The following RTTN variants were observed in gnomAD, a reference collection of about 807,000 sequenced individuals.
RTTN encodes the protein rotatin.
RTTN carries 182 observed loss-of-function variants against 269.2 expected under a neutral mutation model. That is an observed-to-expected ratio of 0.68 (90% CI 0.60 to 0.76). The LOEUF is 0.76. Among genes scored for constraint, RTTN ranks in the 30% least tolerant of loss-of-function variants. RTTN has a pLI of 0.00. For missense variants in RTTN, 2,545 were observed against 2,608.6 expected (o/e 0.98, Z 0.53); for synonymous variants, 1,006 against 963.5 (o/e 1.04, Z -0.82).
intron 14 of RTTN, among the ~76,000 whole-genome samples, chr18:70,164,935 G>C (rs1030669601): frequency 6.6e-6 from 1 of 152,068 alleles, no homozygotes; most frequent in Non-Finnish European, 1.5e-5. Context: ...AAAATTAAAA[G>C]AAATCATAAT....
intron 32 of RTTN, among the ~76,000 whole-genome samples, chr18:70,082,248 A>C (rs1568347649): frequency 6.6e-6 from 1 of 152,162 alleles, no homozygotes; most frequent in African/African-American, 2.4e-5. Context: ...GAAAGAACTG[A>C]AATATTATTA....
At chr18:70,149,115 T>G in intron 16 of RTTN, 78 bp from the exon 17 acceptor site, 3 of 1,283,330 alleles carry the variant, frequency 2.3e-6, no homozygotes, top group Non-Finnish European at 3.3e-6. Context: ...AGAATTGTAT[T>G]GTCCTATCAG....
At chr18:70,097,718 A>C (rs1207523567) in intron 28 of RTTN, among the ~76,000 whole-genome samples, 1 of 152,214 alleles carries the variant, frequency 6.6e-6, no homozygotes, top group Non-Finnish European at 1.5e-5. Context: ...AAATTTTATT[A>C]CCTCAAAGAC....
chr18:70,166,065 C>G lies in RTTN; in HGVS notation c.1926G>C (p.Thr642=). 6.2e-7 allele frequency: 1 copy of G among 1,613,416 alleles called. No individual in the cohort carries two copies. The highest frequency in any genetic ancestry group is 1.3e-5 in the African/African-American group (1 of 75,026). The change falls in exon 14 of 49, where the codon ACG becomes ACC. Residue 642 remains threonine (T), a synonymous_variant. Coordinates refer to ENST00000640769, the MANE Select transcript of RTTN (RefSeq NM_173630.4). The part of the protein sequence containing the change: ...AETYHCCLEI[T]KECLGVHNVT... ...ATACGAAAAAACAAAACCTCACCTTCGTGATTTCCAGACAGCAGTGGTAAG... is the reference window on the plus strand; with the variant it reads ...ATACGAAAAAACAAAACCTCACCTTGGTGATTTCCAGACAGCAGTGGTAAG...
At chr18:70,048,895 C>T (rs1008012190) in intron 39 of RTTN, among the ~76,000 whole-genome samples, 5 of 150,788 alleles carry the variant, frequency 3.3e-5, no homozygotes, top group African/African-American at 1.2e-4. Context: ...AAAACCATGG[C>T]AAAAAAAATG....
intron 38 of RTTN, 75 bp from the exon 39 acceptor site, chr18:70,051,623 C>A (rs1282738010): frequency 2.7e-6 from 3 of 1,113,622 alleles, no homozygotes; most frequent in Admixed American, 5.3e-5. Context: ...TAAAACTTAC[C>A]ACAGACGCTT....
chr18:70,123,382 T>G (rs376483910), intron 25 of RTTN, among the ~76,000 whole-genome samples: 1 of 152,076 alleles, frequency 6.6e-6, no homozygotes, highest in Non-Finnish European at 1.5e-5. Context: ...TTTTGAAACA[T>G]ATATTATTAT....
intron 27 of RTTN, among the ~76,000 whole-genome samples, chr18:70,113,702 T>C (rs1443370027): frequency 6.6e-6 from 1 of 152,176 alleles, no homozygotes; most frequent in African/African-American, 2.4e-5. Context: ...AAATAGAATA[T>C]TATTCAGTCA....
In RTTN at chr18:70,097,046, G is replaced by A. The variant is rs185985444; in HGVS notation, c.3904-4242C>T. ...ATCTGTGTAATGATTTTTAATTCTA[G>A]CTTATAAATGACAAGCCAAGACCTT... On this transcript the variant is annotated intron_variant, in intron 28 of 48. Transcript: ENST00000640769. 1.6e-3 allele frequency among the ~76,000 whole-genome samples: 249 copies of A among 152,236 alleles called. 1 individual carries two copies. Among genetic ancestry groups the A allele is most frequent in the Non-Finnish European group, 4.6e-4 (31 of 68,022 alleles).
chr18:70,067,670 A>G (rs2058179834), intron 34 of RTTN, among the ~76,000 whole-genome samples: 1 of 152,236 alleles, frequency 6.6e-6, no homozygotes, highest in Non-Finnish European at 1.5e-5. Context: ...TAAGGGGATA[A>G]TGATGCTGAA....
chr18:70,064,057 G>T (rs2058065441), intron 35 of RTTN, among the ~76,000 whole-genome samples: 2 of 149,952 alleles, frequency 1.3e-5, no homozygotes, highest in South Asian at 4.2e-4. Context: ...ACTATTTGTG[G>T]ACGGGCATGG....
chr18:70,187,587 C>G (rs1026820887), intron 10 of RTTN, among the ~76,000 whole-genome samples: 8 of 152,084 alleles, frequency 5.3e-5, no homozygotes, highest in Non-Finnish European at 1.2e-4. Flanking sequence ...GACTGTATAT[C>G]CTTAGTGAGA....
chr18:70,204,250 A>T lies in RTTN; in HGVS notation c.233T>A (p.Val78Asp). ...TGCACCAACGTCAACCAAATGTTGG[A>T]CTGCTGGGGGATACTAAAATAAGAA... ...LSRLVKYPPAVQHLVDVGAVE... is the reference protein window; with the variant it reads ...LSRLVKYPPADQHLVDVGAVE... Residue 78 changes from valine (V) to aspartate (D), a missense_variant, in exon 3 of 49, where the codon GTC becomes GAC. By Grantham distance (152) the Val-to-Asp change is radical (BLOSUM62 -3). Coordinates refer to ENST00000640769, the MANE Select transcript of RTTN (RefSeq NM_173630.4). 1 of 1,611,458 alleles carries T rather than the reference A, an allele frequency of 6.2e-7. No individual in the cohort carries two copies. Among genetic ancestry groups the T allele is most frequent in the Non-Finnish European group, 8.5e-7 (1 of 1,179,264 alleles).
chr18:70,175,401 C>T (rs1029115789), intron 11 of RTTN, among the ~76,000 whole-genome samples: 1 of 151,992 alleles, frequency 6.6e-6, no homozygotes, highest in African/African-American at 2.4e-5. Context: ...TTTCAAAAGA[C>T]ATACTAAGGT....
intron 13 of RTTN, 130 bp from the exon 14 acceptor site, chr18:70,166,318 A>G (rs2145906768): frequency 3.5e-6 from 3 of 845,792 alleles, no homozygotes; most frequent in South Asian, 3.6e-5. Flanking sequence ...AAAATAACCA[A>G]TACTAGCAAG....
chr18:70,010,232 TG>T (rs967899808), intron 46 of RTTN, among the ~76,000 whole-genome samples: 5 of 152,156 alleles, frequency 3.3e-5, no homozygotes, highest in Admixed American at 6.5e-5. Flanking sequence ...CTGAGCCAAG[TG>T]GACCTAACAG....
chr18:70,150,577 G>A (rs2060510448), intron 15 of RTTN, 31 bp downstream of exon 15: 1 of 1,601,220 alleles, frequency 6.2e-7, no homozygotes, highest in Non-Finnish European at 8.6e-7. Context: ...CTAAGTTACT[G>A]TAATATTTTC....
In RTTN at chr18:70,168,884, A is replaced by G. The variant is rs760425613; in HGVS notation, c.1660T>C (p.Cys554Arg). ...TTCCCAATATCAGACAGGAAGTTAC[A>G]GGTGCATTCAATTGAATAAACGGCC... ...AEAVYSIECT[C>R]NFLSDIGKEG... The change falls in exon 12 of 49, where the codon TGT becomes CGT. Residue 554 changes from cysteine to arginine, a missense_variant. Coordinates refer to ENST00000640769, the MANE Select transcript of RTTN (RefSeq NM_173630.4). The G allele has an allele frequency of 7.4e-6, 12 of 1,612,066 alleles. No homozygotes were observed. Among genetic ancestry groups the G allele is most frequent in the Non-Finnish European group, 9.3e-6 (11 of 1,179,308 alleles).
Position 70,169,010 on chromosome 18 carries a change from T to C in RTTN, c.1534A>G (p.Met512Val). 1.9e-6 allele frequency: 3 copies of C among 1,612,960 alleles called. No homozygotes were observed. The highest frequency in any genetic ancestry group is 1.8e-4 in the Middle Eastern group (1 of 5,610). ...STALFLLSLD[M>V]PISLEYPNIH... ...TTTGGATATTCCAAAGAAATAGGCATGTCCAAAGAAAGGAGAAATAATGCT... is the reference window on the plus strand; with the variant it reads ...TTTGGATATTCCAAAGAAATAGGCACGTCCAAAGAAAGGAGAAATAATGCT... Residue 512 changes from methionine to valine, a missense_variant, in exon 12 of 49, where the codon ATG (methionine) becomes GTG (valine). By Grantham distance (21) the Met-to-Val change is conservative. Coordinates refer to ENST00000640769, the MANE Select transcript of RTTN (RefSeq NM_173630.4).
Sources: gnomAD v4.1 joint callset for allele counts (sites outside exome capture counted in the v4.1 genomes callset) on GRCh38, gnomAD v4.1.1 for gene constraint, MANE v1.5 for transcripts, NCBI Gene and HGNC (gene_info 2026-07-23, HGNC 2026-07-21) for gene names.